LRIT3: variants seen among roughly 807,000 people sequenced by gnomAD.
LRIT3 encodes the protein leucine rich repeat, Ig-like and transmembrane domains 3.
In LRIT3, 14 loss-of-function variants were observed where a neutral mutation model predicts 22.6. That is an observed-to-expected ratio of 0.62 (90% CI 0.41 to 0.97). The LOEUF (loss-of-function observed/expected upper bound fraction) is 0.97. Ranked by LOEUF, LRIT3 falls within the 50% of genes least tolerant of loss-of-function variation. LRIT3 has a pLI of 0.00. For synonymous variants in LRIT3, 306 were observed against 304.5 expected (o/e 1.01, Z -0.05); for missense variants, 783 against 803.0 (o/e 0.98, Z 0.30).
In LRIT3 at chr4:109,854,424, C is replaced by CAATATACAAAAT. The variant is rs1159934475; in HGVS notation, c.589+2449_589+2450insATATACAAAATA. 2.6e-5 allele frequency among the ~76,000 whole-genome samples: 4 copies of CAATATACAAAAT among 152,130 alleles called. No individual in the cohort carries two copies. The East Asian group carries it at 7.7e-4, about 29-fold the overall frequency. ...TGTATAGAAATGCTTGTGATTTTAG[C>CAATATACAAAAT]ACATTGATTTTGTATCCTGAGACTT... On this transcript the variant is annotated intron_variant, in intron 2 of 3. Transcript: ENST00000594814.
chr4:109,868,874 G>A (rs1734751206), intron 3 of LRIT3, among the ~76,000 whole-genome samples: 1 of 152,182 alleles, frequency 6.6e-6, no homozygotes, highest in East Asian at 1.9e-4. Flanking sequence ...GGTAGTCAAT[G>A]GTCCACAGTT....
At chr4:109,862,961 T>C (rs1734584405) in intron 2 of LRIT3, among the ~76,000 whole-genome samples, 1 of 152,226 alleles carries the variant, frequency 6.6e-6, no homozygotes, top group African/African-American at 2.4e-5. Flanking sequence ...CACAAAGTGT[T>C]GGGATTACAG....
intron 2 of LRIT3, among the ~76,000 whole-genome samples, chr4:109,864,519 AT>A (rs557805398): frequency 7.9e-5 from 12 of 152,194 alleles, no homozygotes; most frequent in Non-Finnish European, 1.6e-4. Context: ...TGATAGCAAC[AT>A]TTTTAATCTT....
chr4:109,870,652 A>C lies in LRIT3; in HGVS notation c.1903A>C (p.Arg635=). ...TATCCAATTTGAGACCCTGTTTCCC[A>C]GGTCTCAAAGTGTAGGTGAGCTCTG... is the stretch of plus-strand genomic sequence containing the variant. ...TYIQFETLFP[R]SQSVGELWTR... Residue 635 remains arginine, a synonymous_variant, in exon 4 of 4, where the codon AGG becomes CGG. Transcript: ENST00000594814. The C allele has an allele frequency of 6.2e-7, 1 of 1,614,134 alleles. No homozygotes were observed. The highest frequency in any genetic ancestry group is 8.5e-7 in the Non-Finnish European group (1 of 1,180,010).
intron 1 of LRIT3, among the ~76,000 whole-genome samples, chr4:109,850,785 G>T (rs1734235604): frequency 6.6e-6 from 1 of 151,646 alleles, no homozygotes; most frequent in Admixed American, 6.6e-5. Context: ...CTGGGACATT[G>T]CCCAGTGTTG....
At chr4:109,859,643 G>A (rs530192948) in intron 2 of LRIT3, among the ~76,000 whole-genome samples, 2 of 152,264 alleles carry the variant, frequency 1.3e-5, no homozygotes, top group East Asian at 3.9e-4. Context: ...TTATGCATAT[G>A]GACAGGTGCA....
At chr4:109,861,696 T>A (rs1734549790) in intron 2 of LRIT3, among the ~76,000 whole-genome samples, 2 of 152,214 alleles carry the variant, frequency 1.3e-5, no homozygotes, top group South Asian at 4.1e-4. Context: ...AAGTCTTTTG[T>A]CTGTTATATG....
intron 1 of LRIT3, among the ~76,000 whole-genome samples, chr4:109,850,175 G>A (rs1353448489): frequency 6.6e-6 from 1 of 152,038 alleles, no homozygotes; most frequent in Non-Finnish European, 1.5e-5. Flanking sequence ...TTATTTTATT[G>A]TAATTATTTA....
chr4:109,861,479 TA>T (rs2125899599), intron 2 of LRIT3, among the ~76,000 whole-genome samples: 1 of 151,832 alleles, frequency 6.6e-6, no homozygotes, highest in South Asian at 2.1e-4. Context: ...CACCAACACT[TA>T]ATGTTGTTGG....
chr4:109,854,909 C>G (rs888268037), intron 2 of LRIT3, among the ~76,000 whole-genome samples: 7 of 152,086 alleles, frequency 4.6e-5, no homozygotes, highest in African/African-American at 1.4e-4. Context: ...CGTTGCATCC[C>G]AGGGATGAAG....
At chr4:109,851,384 G>A (rs1734251332) in intron 1 of LRIT3, 120 bp from the exon 2 acceptor site, 2 of 1,364,816 alleles carry the variant, frequency 1.5e-6, no homozygotes, top group South Asian at 1.6e-5. Flanking sequence ...CAAAGTGCTG[G>A]GATTACAGGC....
At position 109,870,076 on chromosome 4, in the gene LRIT3, C is replaced by T; in HGVS notation, c.1327C>T (p.Gln443Ter). ...STTMANKRSF[Q>*]LHQGGKRNLK... ...CACCATGGCCAACAAGCGATCATTC[C>T]AGCTCCACCAAGGTGGGAAAAGAAA... is the stretch of plus-strand genomic sequence containing the variant. Residue 443 changes from glutamine (Q) to a stop codon, truncating the protein, a stop_gained, in exon 4 of 4, where the codon CAG (glutamine) becomes TAG (stop). Coordinates refer to ENST00000594814, the MANE Select transcript of LRIT3 (RefSeq NM_198506.5). LOFTEE classifies it low-confidence loss of function (END_TRUNC). The T allele has an allele frequency of 6.2e-7, 1 of 1,614,152 alleles. No individual in the cohort carries two copies. The highest frequency in any genetic ancestry group is 8.5e-7 in the Non-Finnish European group (1 of 1,180,038).
chr4:109,867,919 T>A lies in LRIT3; in HGVS notation c.868T>A (p.Ser290Thr). Residue 290 changes from serine to threonine, a missense_variant, in exon 3 of 4, where the codon TCT (serine) becomes ACT (threonine). Ser to Thr is a moderately conservative substitution (Grantham distance 58). This residue lies in a region of LRIT3 where 756 missense variants were observed against 753.8 expected (regional missense o/e 1.00). Coordinates refer to ENST00000594814, the MANE Select transcript of LRIT3 (RefSeq NM_198506.5). ...CACCCCACAGATCACATGGACCAGA[T>A]CTGACAGCTCGCCAGTTAATTATAC... is the stretch of plus-strand genomic sequence containing the variant. Reference protein sequence around the residue: ...FPTPQITWTRSDSSPVNYTVI... With the variant: ...FPTPQITWTRTDSSPVNYTVI... 1 of 1,611,642 alleles carries A rather than the reference T, an allele frequency of 6.2e-7. No homozygotes were observed. Among genetic ancestry groups the A allele is most frequent in the Non-Finnish European group, 8.5e-7 (1 of 1,178,502 alleles).
chr4:109,865,186 G>C (rs1209656613), intron 2 of LRIT3: 1 of 1,479,038 alleles, frequency 6.8e-7, no homozygotes, highest in Non-Finnish European at 9.2e-7. Flanking sequence ...TTTTGCCGAT[G>C]AGAAAACAGG....
chr4:109,851,652 A>T lies in LRIT3; in HGVS notation c.265A>T (p.Thr89Ser). 6.4e-7 allele frequency: 1 copy of T among 1,551,700 alleles called. No homozygotes were observed. The highest frequency in any genetic ancestry group is 8.7e-7 in the Non-Finnish European group (1 of 1,146,988). Residue 89 changes from threonine to serine, a missense_variant, in exon 2 of 4, where the codon ACT becomes TCT. Around this residue, in one of 2 missense-constraint regions of LRIT3, gnomAD observed 756 missense variants for 753.8 expected, o/e 1.00. Coordinates refer to ENST00000594814, the MANE Select transcript of LRIT3 (RefSeq NM_198506.5). The part of the protein sequence containing the change: ...YLVELQYLWV[T>S]YNSVASIDPS... ...GGTGGAGCTCCAGTATCTCTGGGTG[A>T]CTTACAATTCCGTGGCCAGCATTGA...
chr4:109,870,963 AATG>A lies in LRIT3; in HGVS notation c.*175_*177del. Reference sequence around the variant, plus strand: ...AGACCTCTGAACTGAAAAGACAAATAATGTTGATTTTTTTTCTTGTGTGGAAAA... The same window carrying A: ...AGACCTCTGAACTGAAAAGACAAATATTGATTTTTTTTCTTGTGTGGAAAA... On this transcript the variant is annotated 3_prime_UTR_variant, in exon 4 of 4. Transcript: ENST00000594814. 3.5e-6 allele frequency: 2 copies of A among 567,068 alleles called. No individual in the cohort carries two copies. The highest frequency in any genetic ancestry group is 5.5e-6 in the Non-Finnish European group (2 of 363,042). 35.1% of individuals were successfully genotyped at this position (567,068 alleles called of 1,614,324 possible). A position where few individuals can be genotyped will look rare whatever the true frequency, so the allele number is the denominator to read the frequency against.
Position 109,867,894 on chromosome 4 carries a change from C to G in LRIT3, c.843C>G (p.Pro281=). The change falls in exon 3 of 4, where the codon CCC becomes CCG. Residue 281 remains proline, a synonymous_variant. Transcript: ENST00000594814. ...TGCGGTGTGATGCCACTGGCTTCCC[C>G]ACCCCACAGATCACATGGACCAGAT... ...VLLRCDATGF[P]TPQITWTRSD... The G allele has an allele frequency of 6.2e-7, 1 of 1,613,872 alleles. No homozygotes were observed. Among genetic ancestry groups the G allele is most frequent in the Non-Finnish European group, 8.5e-7 (1 of 1,180,006 alleles).
chr4:109,850,628 C>T (rs1450901478), intron 1 of LRIT3, among the ~76,000 whole-genome samples: 3 of 151,364 alleles, frequency 2.0e-5, no homozygotes, highest in African/African-American at 7.3e-5. Flanking sequence ...AGGTACCTAC[C>T]ACCGCGCCTG....
chr4:109,854,017 C>G (rs562993424), intron 2 of LRIT3, among the ~76,000 whole-genome samples: 1 of 119,556 alleles, frequency 8.4e-6, no homozygotes, highest in Admixed American at 7.7e-5. Context: ...AGTCAGGTAG[C>G]GTGATGCCTC....
Sources: allele counts gnomAD v4.1 joint callset (sites outside exome capture counted in the v4.1 genomes callset), GRCh38; gene constraint gnomAD v4.1.1; regional missense constraint gnomAD v4.1.1; transcripts MANE v1.5; gene names NCBI Gene and HGNC (gene_info 2026-07-23, HGNC 2026-07-21).